FAM171A1: variants seen among roughly 807,000 people sequenced by gnomAD.
FAM171A1 encodes the protein family with sequence similarity 171 member A1, also known as protein FAM171A1.
FAM171A1 carries 23 observed loss-of-function variants against 74.9 expected under a neutral mutation model. The observed-to-expected ratio is 0.31, with a 90% CI of 0.22 to 0.44. The LOEUF is 0.44. Ranked by LOEUF, FAM171A1 falls within the 20% of genes least tolerant of loss-of-function variation. The pLI is 1.00. For missense variants in FAM171A1, 1,162 were observed against 1,159.2 expected (o/e 1.00, Z -0.03); for synonymous variants, 527 against 505.7 (o/e 1.04, Z -0.57).
chr10:15,255,454 T>C (rs1435276205), intron 3 of FAM171A1, among the ~76,000 whole-genome samples: 3 of 152,168 alleles, frequency 2.0e-5, no homozygotes, highest in Admixed American at 1.3e-4. Context: ...CAGTCTATTC[T>C]GGAGGCGTGC....
intron 1 of FAM171A1, among the ~76,000 whole-genome samples, chr10:15,349,495 C>T (rs977219073): frequency 6.6e-6 from 1 of 152,156 alleles, no homozygotes; most frequent in Non-Finnish European, 1.5e-5. Flanking sequence ...TTAAAGGAAC[C>T]TCCAAGTCAT....
chr10:15,354,012 G>A (rs1466400399), intron 1 of FAM171A1, among the ~76,000 whole-genome samples: 1 of 152,240 alleles, frequency 6.6e-6, no homozygotes, highest in Non-Finnish European at 1.5e-5. Context: ...CGGCAACTCA[G>A]AATGAATGTC....
At chr10:15,348,301 C>A (rs548065581) in intron 1 of FAM171A1, among the ~76,000 whole-genome samples, 1 of 150,792 alleles carries the variant, frequency 6.6e-6, no homozygotes, top group East Asian at 1.9e-4. Context: ...TTCTAGGTAG[C>A]CTTTTTTTTG....
intron 1 of FAM171A1, among the ~76,000 whole-genome samples, chr10:15,347,307 C>T (rs1835827328): frequency 6.6e-6 from 1 of 152,116 alleles, no homozygotes; most frequent in South Asian, 2.1e-4. Context: ...ACATGAAGTA[C>T]AAACTGGACC....
intron 5 of FAM171A1, among the ~76,000 whole-genome samples, chr10:15,230,531 C>T (rs946312543): frequency 1.3e-5 from 2 of 152,210 alleles, no homozygotes; most frequent in Admixed American, 1.3e-4. Flanking sequence ...AGCATGAAAT[C>T]ATGAATGTGT....
intron 3 of FAM171A1, among the ~76,000 whole-genome samples, chr10:15,269,004 T>C (rs1012766028): frequency 2.0e-5 from 3 of 151,852 alleles, no homozygotes; most frequent in Admixed American, 1.3e-4. Flanking sequence ...ATCACGCCAC[T>C]GCACTCCAGC....
chr10:15,222,365 C>T (rs1834049876), intron 5 of FAM171A1, among the ~76,000 whole-genome samples: 1 of 152,196 alleles, frequency 6.6e-6, no homozygotes, highest in African/African-American at 2.4e-5. Flanking sequence ...GCCTCCTACA[C>T]ACCTGGGCCA....
At chr10:15,285,551 C>T (rs1835025419) in intron 1 of FAM171A1, among the ~76,000 whole-genome samples, 1 of 152,190 alleles carries the variant, frequency 6.6e-6, no homozygotes, top group South Asian at 2.1e-4. Flanking sequence ...ACTATCACGT[C>T]AAGGGTGCTG....
chr10:15,271,135 G>A (rs910216562), intron 3 of FAM171A1, among the ~76,000 whole-genome samples: 12 of 152,074 alleles, frequency 7.9e-5, no homozygotes, highest in African/African-American at 2.9e-4. Context: ...TAAAAACCTT[G>A]AAAAAAGATT....
rs183393470 is a variant in FAM171A1, at chr10:15,321,774, A to G, written c.98-37669T>C. Among the ~76,000 whole-genome samples the G allele has an allele frequency of 3.2e-3, 481 of 152,364 alleles. 4 individuals are homozygous for G. Among genetic ancestry groups the G allele is most frequent in the African/African-American group, 0.011 (438 of 41,586 alleles). ...AGAAAGACTGTGTTGCCTGTATTTCATATCATTACAAGCTCATAAAACTAG... is the reference window on the plus strand; with the variant it reads ...AGAAAGACTGTGTTGCCTGTATTTCGTATCATTACAAGCTCATAAAACTAG... On this transcript the variant is annotated intron_variant, in intron 1 of 7. Transcript: ENST00000378116.
At chr10:15,341,474 C>T (rs946889301) in intron 1 of FAM171A1, among the ~76,000 whole-genome samples, 5 of 152,194 alleles carry the variant, frequency 3.3e-5, no homozygotes, top group Non-Finnish European at 7.3e-5. Context: ...CCCGCAATTG[C>T]TGGCAATAGC....
Position 15,229,786 on chromosome 10 carries a change from C to CCACTATCACCAACATCATCATCAT in FAM171A1, c.755-8727_755-8726insATGATGATGATGTTGGTGATAGTG, listed in dbSNP as rs1834173233. ...ACCACCATCACCATCATCACCATCA[C>CCACTATCACCAACATCATCATCAT]CACCATCACCATCATCACCATCACC... On this transcript the variant is annotated intron_variant, in intron 5 of 7. Transcript: ENST00000378116. 2.0e-4 allele frequency among the ~76,000 whole-genome samples: 2 copies of CCACTATCACCAACATCATCATCAT among 9,764 alleles called. 1 individual carries two copies. The highest frequency in any genetic ancestry group is 1.1e-3 in the African/African-American group (2 of 1,840). The allele number at this position is 9,764 out of a possible 152,430, so 6.4% of individuals were successfully genotyped here.
chr10:15,351,592 G>GATGGATGGATGC (rs1564288161), intron 1 of FAM171A1, among the ~76,000 whole-genome samples: 1 of 54,500 alleles, frequency 1.8e-5, no homozygotes, highest in Admixed American at 2.4e-4. Context: ...TGGATGGATG[G>GATGGATGGATGC]ATGCATGGAT....
upstream of FAM171A1, among the ~76,000 whole-genome samples, chr10:15,373,878 A>G (rs1261302857): frequency 6.6e-6 from 1 of 152,184 alleles, no homozygotes; most frequent in East Asian, 1.9e-4. Flanking sequence ...TTGGGTTCAC[A>G]ATCTTAACTG....
chr10:15,229,626 C>CATCA (rs1834163152), intron 5 of FAM171A1, among the ~76,000 whole-genome samples: 2 of 109,164 alleles, frequency 1.8e-5, no homozygotes, highest in African/African-American at 6.6e-5. Flanking sequence ...CATTGTCACC[C>CATCA]CCATCACCAT....
chr10:15,370,611 G>T (rs574890304), intron 1 of FAM171A1, among the ~76,000 whole-genome samples: 1 of 152,000 alleles, frequency 6.6e-6, no homozygotes, highest in South Asian at 2.1e-4. Context: ...CGACATGGGA[G>T]ACAGAGCCGC....
chr10:15,364,219 G>A (rs1836031647), intron 1 of FAM171A1, among the ~76,000 whole-genome samples: 1 of 152,154 alleles, frequency 6.6e-6, no homozygotes, highest in African/African-American at 2.4e-5. Flanking sequence ...CTTTTGGCAG[G>A]GGTTTCAGAG....
rs61637156 is a variant in FAM171A1 at position 15,233,521 on chromosome 10, G to GGTGTGTGTGTGTGT, written c.755-12475_755-12462dup. ...TTCTGCACATGCCGGGTGTATTCAG[G>GGTGTGTGTGTGTGT]GTGTGTGTGTGTGTGTGTGTGTGTG... On this transcript the variant is annotated intron_variant, in intron 5 of 7. Transcript: ENST00000378116. 4.8e-5 allele frequency among the ~76,000 whole-genome samples: 7 copies of GGTGTGTGTGTGTGT among 145,372 alleles called. No homozygotes were observed. In the South Asian group the frequency reaches 6.7e-4, roughly 14 times the overall value.
intron 5 of FAM171A1, among the ~76,000 whole-genome samples, chr10:15,247,305 T>C (rs1302154617): frequency 6.6e-6 from 1 of 152,212 alleles, no homozygotes; most frequent in Admixed American, 6.5e-5. Flanking sequence ...CTCGTTCTGT[T>C]GCCTAGGAGG....
Sources: gnomAD v4.1 joint callset for allele counts (sites outside exome capture counted in the v4.1 genomes callset) on GRCh38, gnomAD v4.1.1 for gene constraint, MANE v1.5 for transcripts, NCBI Gene and HGNC (gene_info 2026-07-23, HGNC 2026-07-21) for gene names.